The following SPAST variants were observed in gnomAD, a reference collection of about 807,000 sequenced individuals.
The protein encoded by SPAST is spastic paraplegia 4 (autosomal dominant; spastin).
In SPAST, 30 loss-of-function variants were observed where a neutral mutation model predicts 76.6. That is an observed-to-expected ratio of 0.39 (90% CI 0.29 to 0.53). SPAST has a LOEUF of 0.53. SPAST is among the 20% of genes least tolerant of loss of function. The probability of loss-of-function intolerance (pLI) is 0.68; values close to 1 mark genes in which losing one functional copy is unlikely to be tolerated. For missense variants in SPAST, 717 were observed against 770.5 expected (o/e 0.93, Z 0.82); for synonymous variants, 305 against 281.0 (o/e 1.09, Z -0.86).
At chr2:32,134,794 CA>C (rs1346854090) in intron 9 of SPAST, among the ~76,000 whole-genome samples, 3 of 152,144 alleles carry the variant, frequency 2.0e-5, no homozygotes, top group African/African-American at 7.2e-5. Flanking sequence ...CTCTCAGGTT[CA>C]AGCAATTCTC....
rs1676387120 is a variant in SPAST at position 32,063,884 on chromosome 2, A to T, written c.53A>T (p.Asn18Ile). ...AAGAAAGGCTCCGGCGGCGCCAGCA[A>T]CCCGGTGCCTCCCAGGCCTCCGCCC... is the stretch of plus-strand genomic sequence containing the variant. ...GKKKGSGGASNPVPPRPPPPC... is the reference protein window; with the variant it reads ...GKKKGSGGASIPVPPRPPPPC... Residue 18 changes from asparagine to isoleucine, a missense_variant, in exon 1 of 17, where the codon AAC becomes ATC. Asn to Ile is a moderately radical substitution (Grantham distance 149). Around this residue, in one of 3 missense-constraint regions of SPAST, gnomAD observed 543 missense variants for 445.2 expected, o/e 1.22. Transcript: ENST00000315285. 1.3e-6 allele frequency: 2 copies of T among 1,584,186 alleles called. No homozygotes were observed. The highest frequency in any genetic ancestry group is 4.6e-5 in the East Asian group (2 of 43,730).
At chr2:32,086,325 G>T (rs1044407475) in intron 1 of SPAST, among the ~76,000 whole-genome samples, 5 of 151,884 alleles carry the variant, frequency 3.3e-5, no homozygotes, top group African/African-American at 1.2e-4. Flanking sequence ...AGCTAAGTGT[G>T]GTGGCACATG....
At chr2:32,149,256 A>ATTTTTTT (rs59020104) in intron 16 of SPAST, among the ~76,000 whole-genome samples, 2,013 of 123,512 alleles carry the variant, frequency 0.016, 66 homozygotes, top group South Asian at 0.026. Context: ...CGCCCAGCTA[A>ATTTTTTT]TTTTTTTTTT....
intron 9 of SPAST, among the ~76,000 whole-genome samples, chr2:32,134,082 C>T (rs1371747298): frequency 6.6e-6 from 1 of 152,160 alleles, no homozygotes; most frequent in Non-Finnish European, 1.5e-5. Flanking sequence ...GTCGCCCAGG[C>T]TGGAGTACAG....
intron 1 of SPAST, among the ~76,000 whole-genome samples, chr2:32,066,536 C>A (rs1345462307): frequency 6.6e-6 from 1 of 151,860 alleles, no homozygotes; most frequent in Non-Finnish European, 1.5e-5. Context: ...GGCATGGTGA[C>A]ACATGCCTGT....
intron 1 of SPAST, among the ~76,000 whole-genome samples, chr2:32,074,523 T>A (rs952350302): frequency 5.9e-5 from 9 of 151,880 alleles, no homozygotes; most frequent in Non-Finnish European, 1.0e-4. Flanking sequence ...GTTTTTTTTT[T>A]AAAATAGAGT....
In SPAST at chr2:32,064,183, G is replaced by C. The variant is rs1676413433; in HGVS notation, c.352G>C (p.Val118Leu). The change falls in exon 1 of 17, where the codon GTC (valine) becomes CTC (leucine). Residue 118 changes from valine to leucine, a missense_variant. Coordinates refer to ENST00000315285, the MANE Select transcript of SPAST (RefSeq NM_014946.4). Reference sequence around the variant, plus strand: ...GGGCGGCGAGGCCGAGCGCGTCCGAGTCTTCCACAAACAGGCCTTCGAGTA... The same window carrying C: ...GGGCGGCGAGGCCGAGCGCGTCCGACTCTTCCACAAACAGGCCTTCGAGTA... ...VPGGEAERVR[V>L]FHKQAFEYIS... is the part of the protein sequence containing the mutation. 6.4e-7 allele frequency: 1 copy of C among 1,551,660 alleles called. No individual in the cohort carries two copies. The highest frequency in any genetic ancestry group is 8.7e-7 in the Non-Finnish European group (1 of 1,148,392).
intron 5 of SPAST, among the ~76,000 whole-genome samples, chr2:32,115,251 AT>A (rs1001064918): frequency 3.3e-5 from 5 of 151,550 alleles, no homozygotes; most frequent in Admixed American, 6.6e-5. Flanking sequence ...CCCAAAGTTA[AT>A]TTTTTTTTAA....
chr2:32,146,307 C>A (rs1277416768), intron 15 of SPAST, among the ~76,000 whole-genome samples: 1 of 152,150 alleles, frequency 6.6e-6, no homozygotes, highest in Non-Finnish European at 1.5e-5. Flanking sequence ...ACCTATAATC[C>A]CAGCACTTTG....
intron 9 of SPAST, among the ~76,000 whole-genome samples, chr2:32,132,881 C>A (rs1327696993): frequency 1.3e-5 from 2 of 152,086 alleles, no homozygotes; most frequent in African/African-American, 4.8e-5. Context: ...TAAATCTCTA[C>A]TAAAAATACA....
chr2:32,119,905 T>C (rs906520796), intron 7 of SPAST, among the ~76,000 whole-genome samples: 3 of 152,200 alleles, frequency 2.0e-5, no homozygotes, highest in African/African-American at 7.2e-5. Flanking sequence ...CTTTTATATT[T>C]CTTATTTTGT....
chr2:32,079,101 G>A (rs530544011), intron 1 of SPAST, among the ~76,000 whole-genome samples: 233 of 151,868 alleles, frequency 1.5e-3, no homozygotes, highest in Non-Finnish European at 2.5e-3. Flanking sequence ...TCAGCCTCCC[G>A]AAGTGTTGAG....
chr2:32,079,506 A>C (rs1457826019), intron 1 of SPAST, among the ~76,000 whole-genome samples: 1 of 150,166 alleles, frequency 6.7e-6, no homozygotes, highest in African/African-American at 2.4e-5. Context: ...ACCCAGTCTA[A>C]AAAAAAAAGT....
rs2365556 is a variant in SPAST at position 32,144,832 on chromosome 2, T to C, written c.1617-105T>C. On this transcript the variant is annotated intron_variant, in intron 14 of 16. Coordinates refer to ENST00000315285, the MANE Select transcript of SPAST (RefSeq NM_014946.4). ...CCAGGAGGTGGAGATCACAGTGAGC[T>C]GAGATCATGCCATTGCACTCCAGCC... 721,130 of 733,640 alleles carry C rather than the reference T, an allele frequency of 0.98. 354,553 individuals carry two copies. The highest frequency in any genetic ancestry group is 1 in the East Asian group (35,094 of 35,094). 45.4% of individuals were successfully genotyped at this position (733,640 alleles called of 1,614,324 possible).
Position 32,064,035 on chromosome 2 carries a change from C to G in SPAST, c.204C>G (p.Ala68=). Residue 68 remains alanine (A), a synonymous_variant, in exon 1 of 17, where the codon GCC becomes GCG. Coordinates refer to ENST00000315285, the MANE Select transcript of SPAST (RefSeq NM_014946.4). The part of the protein sequence containing the change: ...FVGFALLRLV[A]FHLGLLFVWL... Reference sequence around the variant, plus strand: ...GCTTCGCGCTGCTGCGTTTGGTCGCCTTCCACCTGGGGCTCCTCTTCGTGT... The same window carrying G: ...GCTTCGCGCTGCTGCGTTTGGTCGCGTTCCACCTGGGGCTCCTCTTCGTGT... 6.2e-7 allele frequency: 1 copy of G among 1,613,434 alleles called. No homozygotes were observed. Among genetic ancestry groups the G allele is most frequent in the Non-Finnish European group, 8.5e-7 (1 of 1,179,576 alleles).
chr2:32,101,846 G>C (rs969824726), intron 4 of SPAST, among the ~76,000 whole-genome samples: 2 of 152,028 alleles, frequency 1.3e-5, no homozygotes, highest in Non-Finnish European at 2.9e-5. Flanking sequence ...CTCTGTTTTG[G>C]TATCAGTACC....
chr2:32,135,152 T>A (rs1476736861), intron 9 of SPAST, among the ~76,000 whole-genome samples: 1 of 130,008 alleles, frequency 7.7e-6, no homozygotes, highest in Non-Finnish European at 1.7e-5. Context: ...GTGTGTGAGA[T>A]GGAGTCTTGC....
At chr2:32,098,035 A>G (rs778887419) in intron 3 of SPAST, among the ~76,000 whole-genome samples, 2 of 152,098 alleles carry the variant, frequency 1.3e-5, no homozygotes, top group African/African-American at 4.8e-5. Flanking sequence ...TAGCCAGTTC[A>G]TAGCCCACTT....
chr2:32,140,970 C>A (rs1426874312), intron 12 of SPAST, among the ~76,000 whole-genome samples: 8 of 145,096 alleles, frequency 5.5e-5, no homozygotes, highest in Admixed American at 4.9e-4. Flanking sequence ...TTTAAATGAG[C>A]CCTGTCCTGG....
Sources: gnomAD v4.1 joint callset for allele counts (sites outside exome capture counted in the v4.1 genomes callset) on GRCh38, gnomAD v4.1.1 for gene constraint, gnomAD v4.1.1 regional missense constraint, MANE v1.5 for transcripts, NCBI Gene and HGNC (gene_info 2026-07-23, HGNC 2026-07-21) for gene names.